PLPPR1: variants seen among roughly 807,000 people sequenced by gnomAD.
PLPPR1 encodes phospholipid phosphatase-related protein type 1.
PLPPR1 carries 10 observed loss-of-function variants against 33.1 expected under a neutral mutation model. The ratio of observed to expected loss-of-function variants is 0.30; its 90% CI spans 0.19 to 0.51. PLPPR1 has a LOEUF of 0.51. PLPPR1 is among the 20% of genes least tolerant of loss of function. PLPPR1 has a pLI of 0.97. For missense variants in PLPPR1, 304 were observed against 408.1 expected, an observed-to-expected ratio of 0.74 and a Z score of 2.20; for synonymous variants, 151 against 151.0, an observed-to-expected ratio of 1.00 and a Z score of 0.00.
intron 2 of PLPPR1, among the ~76,000 whole-genome samples, chr9:101,209,661 G>T (rs1473333316): frequency 1.3e-5 from 2 of 152,198 alleles, no homozygotes; most frequent in Admixed American, 1.3e-4. Flanking sequence ...TTGAGTAATT[G>T]ACACTGCAGT....
At chr9:101,299,420 C>G (rs1054905728) in intron 4 of PLPPR1, among the ~76,000 whole-genome samples, 1 of 152,142 alleles carries the variant, frequency 6.6e-6, no homozygotes, top group Admixed American at 6.5e-5. Flanking sequence ...CAGGGAGCAA[C>G]CTTTGCTTGG....
At chr9:101,033,729 A>G (rs1181208453) in intron 1 of PLPPR1, among the ~76,000 whole-genome samples, 2 of 152,158 alleles carry the variant, frequency 1.3e-5, no homozygotes, top group Non-Finnish European at 2.9e-5. Flanking sequence ...TTTAATCTTG[A>G]CAACACCTAT....
At chr9:101,063,947 A>T (rs762996746) in intron 1 of PLPPR1, among the ~76,000 whole-genome samples, 16 of 152,080 alleles carry the variant, frequency 1.1e-4, no homozygotes, top group Non-Finnish European at 2.1e-4. Flanking sequence ...TGAATTCCTA[A>T]TGCTTGTCAC....
At chr9:101,291,384 C>T (rs953251440) in intron 4 of PLPPR1, among the ~76,000 whole-genome samples, 5 of 152,196 alleles carry the variant, frequency 3.3e-5, no homozygotes, top group African/African-American at 4.8e-5. Flanking sequence ...AAAAAGACAG[C>T]GGTAACCTCT....
intron 1 of PLPPR1, among the ~76,000 whole-genome samples, chr9:101,123,267 G>C (rs60955857): frequency 0.74 from 111,542 of 151,738 alleles, 41,323 homozygotes; most frequent in African/African-American, 0.78. Context: ...TTAGTGTCTT[G>C]AAGACACTAA....
At chr9:101,230,656 C>T (rs1477480112) in intron 2 of PLPPR1, among the ~76,000 whole-genome samples, 3 of 151,944 alleles carry the variant, frequency 2.0e-5, no homozygotes, top group Non-Finnish European at 4.4e-5. Flanking sequence ...AGTCTCTAAC[C>T]CAGGCTTTAG....
intron 2 of PLPPR1, among the ~76,000 whole-genome samples, chr9:101,249,207 C>T (rs1827671580): frequency 6.6e-6 from 1 of 152,094 alleles, no homozygotes; most frequent in East Asian, 1.9e-4. Context: ...AGCAGTATCT[C>T]ATGCTAGATT....
intron 1 of PLPPR1, among the ~76,000 whole-genome samples, chr9:101,103,148 T>C (rs1830932906): frequency 8.4e-6 from 1 of 119,174 alleles, no homozygotes; most frequent in South Asian, 3.1e-4. Flanking sequence ...CTCTTTAGTT[T>C]AATTAGATCC....
At chr9:101,108,921 A>G (rs1831013300) in intron 1 of PLPPR1, among the ~76,000 whole-genome samples, 2 of 151,484 alleles carry the variant, frequency 1.3e-5, no homozygotes, top group South Asian at 2.1e-4. Flanking sequence ...AAAGACTGAT[A>G]TAACCCACAT....
intron 2 of PLPPR1, among the ~76,000 whole-genome samples, chr9:101,265,990 C>A (rs1164579939): frequency 6.8e-6 from 1 of 147,754 alleles, no homozygotes; most frequent in Non-Finnish European, 1.5e-5. Context: ...TGCGAGACAC[C>A]GCCTCAAAAA....
At chr9:101,217,247 T>TAA (rs879907087) in intron 2 of PLPPR1, among the ~76,000 whole-genome samples, 1 of 151,456 alleles carries the variant, frequency 6.6e-6, no homozygotes. Flanking sequence ...CTGCCCTGCT[T>TAA]AAAAAAAAAT....
At position 101,270,026 on chromosome 9, in the gene PLPPR1, T is replaced by G. The variant is rs1176955911; in HGVS notation, c.210T>G (p.Pro70=). The part of the protein sequence containing the change: ...PGTEEESFIT[P]LVLYCVLAAT... ...CAGAGGAAGAAAGCTTCATCACCCC[T>G]CTGGTGCTCTATTGTGTGCTGGCTG... is the stretch of plus-strand genomic sequence containing the variant. The change falls in exon 3 of 8, where the codon CCT becomes CCG. Residue 70 remains proline, a synonymous_variant. Transcript: ENST00000374874. 3.1e-6 allele frequency: 5 copies of G among 1,614,098 alleles called. No homozygotes were observed. In the African/African-American group the frequency reaches 6.7e-5, roughly 22 times the overall value.
intron 1 of PLPPR1, among the ~76,000 whole-genome samples, chr9:101,087,942 C>G (rs1368949158): frequency 6.6e-6 from 1 of 152,178 alleles, no homozygotes; most frequent in Non-Finnish European, 1.5e-5. Context: ...TTAGATGTAT[C>G]TCTGTCTCTC....
chr9:101,071,827 C>T (rs887952928), intron 1 of PLPPR1, among the ~76,000 whole-genome samples: 3 of 152,150 alleles, frequency 2.0e-5, no homozygotes, highest in African/African-American at 7.2e-5. Flanking sequence ...GAATTAGGAA[C>T]ATAGAGCCCA....
intron 2 of PLPPR1, among the ~76,000 whole-genome samples, chr9:101,214,833 G>C (rs1826756379): frequency 6.6e-6 from 1 of 151,988 alleles, no homozygotes. Context: ...GACCAGCCTG[G>C]CCAACATGGT....
At chr9:101,152,936 A>C (rs1164331533) in intron 1 of PLPPR1, among the ~76,000 whole-genome samples, 1 of 152,230 alleles carries the variant, frequency 6.6e-6, no homozygotes, top group African/African-American at 2.4e-5. Flanking sequence ...TTCTGTGAAG[A>C]AAGTCATTGG....
chr9:101,239,389 G>T (rs1827404766), intron 2 of PLPPR1, among the ~76,000 whole-genome samples: 1 of 151,796 alleles, frequency 6.6e-6, no homozygotes, highest in South Asian at 2.1e-4. Flanking sequence ...GGGAGGTAAG[G>T]GTAGAAAGAC....
intron 3 of PLPPR1, among the ~76,000 whole-genome samples, chr9:101,279,355 A>G (rs932909742): frequency 9.8e-5 from 15 of 152,340 alleles, no homozygotes; most frequent in African/African-American, 3.4e-4. Context: ...TTAGAGCCAG[A>G]GAGATAGACC....
intron 1 of PLPPR1, among the ~76,000 whole-genome samples, chr9:101,036,296 T>G (rs1445556357): frequency 6.6e-6 from 1 of 152,124 alleles, no homozygotes; most frequent in Admixed American, 6.5e-5. Context: ...ACACCATTCA[T>G]CATTGTGGTA....
Sources: allele counts gnomAD v4.1 joint callset (sites outside exome capture counted in the v4.1 genomes callset), GRCh38; gene constraint gnomAD v4.1.1; transcripts MANE v1.5; gene names NCBI Gene and HGNC (gene_info 2026-07-23, HGNC 2026-07-21).